Variants in TENM2 observed in about 807,000 individuals in gnomAD.
TENM2 encodes the protein teneurin-2.
Under a neutral mutation model 245.2 loss-of-function variants are expected in TENM2, and 52 were observed. The ratio of observed to expected loss-of-function variants is 0.21; its 90% CI spans 0.17 to 0.27. The LOEUF (loss-of-function observed/expected upper bound fraction) is 0.27, where lower values mean the gene tolerates loss of function less well. TENM2 is among the 10% of genes least tolerant of loss of function. The pLI is 1.00. For missense variants in TENM2, 3,046 were observed against 3,666.8 expected, an observed-to-expected ratio of 0.83 and a Z score of 4.37; for synonymous variants, 1,363 against 1,438.9, an observed-to-expected ratio of 0.95 and a Z score of 1.19.
chr5:168,199,800 G>A (rs888370203), intron 16 of TENM2, 64 bp from the exon 19 acceptor site: 34 of 1,533,206 alleles, frequency 2.2e-5, no homozygotes, highest in Middle Eastern at 4.2e-4. Context: ...AGACAGTATC[G>A]GGGTTACAGT....
At chr5:168,216,037 G>GT (rs766125754) in intron 21 of TENM2, among the ~76,000 whole-genome samples, 26 of 152,354 alleles carry the variant, frequency 1.7e-4, no homozygotes, top group Middle Eastern at 3.4e-3. Flanking sequence ...ATTTGAAAAG[G>GT]ACTAAAAATA....
chr5:167,535,391 G>T (rs1771784134), intron 2 of TENM2, among the ~76,000 whole-genome samples: 1 of 152,046 alleles, frequency 6.6e-6, no homozygotes, highest in Non-Finnish European at 1.5e-5. Flanking sequence ...CCCAGGCCCT[G>T]CTTGAAGAAA....
In TENM2 at chr5:167,576,851, AC is replaced by A. The variant is rs1455118405; in HGVS notation, c.502+201379del. 2.6e-5 allele frequency among the ~76,000 whole-genome samples: 4 copies of A among 152,324 alleles called. No individual in the cohort carries two copies. The East Asian group carries it at 7.7e-4, about 29-fold the overall frequency. ...TGCTTAATAGATCTACCCGTAAAAA[AC>A]AATCGAAAACCTACATGATTTGTCA... On this transcript the variant is annotated intron_variant, in intron 2 of 28. Transcript: ENST00000518659.
At chr5:167,898,391 G>A (rs1209794792) in intron 3 of TENM2, among the ~76,000 whole-genome samples, 1 of 152,140 alleles carries the variant, frequency 6.6e-6, no homozygotes, top group Non-Finnish European at 1.5e-5. Context: ...TGATCTAGTA[G>A]CTTGGACTTG....
At chr5:167,684,752 A>G (rs1421059358) in intron 2 of TENM2, among the ~76,000 whole-genome samples, 3 of 152,140 alleles carry the variant, frequency 2.0e-5, no homozygotes, top group Non-Finnish European at 2.9e-5. Flanking sequence ...TAATAAGAAT[A>G]CTCATCTTTA....
intron 8 of TENM2, among the ~76,000 whole-genome samples, chr5:168,095,953 G>A (rs1793333411): frequency 6.6e-6 from 1 of 152,242 alleles, no homozygotes; most frequent in Admixed American, 6.5e-5. Context: ...CCCTCAGGTC[G>A]GGTGATGCCA....
chr5:167,738,836 A>G (rs1469687467), intron 2 of TENM2, among the ~76,000 whole-genome samples: 5 of 152,106 alleles, frequency 3.3e-5, no homozygotes, highest in Non-Finnish European at 7.4e-5. Flanking sequence ...TTATAAGGAC[A>G]CCAGTCAGAT....
intron 3 of TENM2, among the ~76,000 whole-genome samples, chr5:167,924,411 G>T (rs1306570434): frequency 6.6e-6 from 1 of 152,246 alleles, no homozygotes. Context: ...ACAGGAGCAT[G>T]CAGAGTAGGC....
Position 167,664,359 on chromosome 5 carries a change from G to C in TENM2, c.503-211627G>C, listed in dbSNP as rs191475400. Among the ~76,000 whole-genome samples, 12 of 152,312 alleles carry C rather than the reference G, an allele frequency of 7.9e-5. No homozygotes were observed. In the East Asian group the frequency reaches 1.9e-3, roughly 24 times the overall value. On this transcript the variant is annotated intron_variant, in intron 2 of 28. Transcript: ENST00000518659. ...CCCCTTGCCTAGGTCTTAGTTGACT[G>C]TCAAAACTTTTTTCAGTACAATCTT...
At chr5:168,146,774 G>A (rs1756122804) in intron 12 of TENM2, among the ~76,000 whole-genome samples, 1 of 152,222 alleles carries the variant, frequency 6.6e-6, no homozygotes, top group Non-Finnish European at 1.5e-5. Context: ...AGCAATGTGT[G>A]AAAGGCTTAT....
At chr5:167,133,617 G>GAAAAAAAAAA in the TENM2 span, among the ~76,000 whole-genome samples, 1 of 67,508 alleles carries the variant, frequency 1.5e-5, no homozygotes. Flanking sequence ...ACTCAAACTT[G>GAAAAAAAAAA]GAAAAAAAAA....
chr5:167,741,988 C>T (rs1172948374), intron 2 of TENM2, among the ~76,000 whole-genome samples: 1 of 152,172 alleles, frequency 6.6e-6, no homozygotes, highest in Non-Finnish European at 1.5e-5. Context: ...CAGAGTCCAT[C>T]CCTTGTCATA....
At chr5:167,695,861 C>T (rs1368980533) in intron 2 of TENM2, among the ~76,000 whole-genome samples, 6 of 151,576 alleles carry the variant, frequency 4.0e-5, no homozygotes, top group African/African-American at 9.7e-5. Context: ...GATGAAACCC[C>T]GTCTCTGCTA....
the TENM2 span, among the ~76,000 whole-genome samples, chr5:167,097,102 G>A: frequency 1.2e-4 from 18 of 152,102 alleles, no homozygotes; most frequent in East Asian, 3.1e-3. Flanking sequence ...TTCTTTCCCC[G>A]CCCGAGAGAG....
intron 28 of TENM2, among the ~76,000 whole-genome samples, chr5:168,261,746 G>T (rs374450194): frequency 6.6e-6 from 1 of 152,170 alleles, no homozygotes; most frequent in East Asian, 1.9e-4. Context: ...TAAGTGTGTA[G>T]GTCCAGGTGC....
At chr5:167,721,398 G>A (rs774393780) in intron 2 of TENM2, 4 of 152,118 alleles carry the variant, frequency 2.6e-5, no homozygotes, top group Non-Finnish European at 5.9e-5. Context: ...ATTATCCTAC[G>A]GTTCTATAGG....
At chr5:167,663,141 G>GGAGAGAGAGAGAGAGAGAGAGA (rs544699415) in intron 2 of TENM2, among the ~76,000 whole-genome samples, 20 of 108,582 alleles carry the variant, frequency 1.8e-4, no homozygotes, top group East Asian at 7.7e-4. Flanking sequence ...ATGGGGATGG[G>GGAGAGAGAGAGAGAGAGAGAGA]GAGAGAGAGA....
chr5:167,836,547 CA>C (rs1031808366), intron 2 of TENM2, among the ~76,000 whole-genome samples: 4 of 151,950 alleles, frequency 2.6e-5, no homozygotes, highest in African/African-American at 9.7e-5. Context: ...AGCTACCTGA[CA>C]AAAAAATAAT....
At chr5:167,558,771 A>G (rs1582385767) in intron 2 of TENM2, among the ~76,000 whole-genome samples, 1 of 152,106 alleles carries the variant, frequency 6.6e-6, no homozygotes, top group East Asian at 1.9e-4. Context: ...AATGTGCTTT[A>G]GTCATCCCGA....
Sources: allele counts gnomAD v4.1 joint callset (sites outside exome capture counted in the v4.1 genomes callset), GRCh38; gene constraint gnomAD v4.1.1; transcripts MANE v1.5; gene names NCBI Gene and HGNC (gene_info 2026-07-23, HGNC 2026-07-21).